HPSE2: variants seen among roughly 807,000 people sequenced by gnomAD.
HPSE2 encodes inactive heparanase-2.
In HPSE2, 38 loss-of-function variants were observed where a neutral mutation model predicts 60.5. The ratio of observed to expected loss-of-function variants is 0.63; its 90% CI spans 0.48 to 0.82. The LOEUF is 0.82. HPSE2 is among the 40% of genes least tolerant of loss of function. HPSE2 has a pLI of 0.00. For missense variants in HPSE2, 713 were observed against 740.4 expected, an observed-to-expected ratio of 0.96 and a Z score of 0.43; for synonymous variants, 295 against 293.2, an observed-to-expected ratio of 1.01 and a Z score of -0.06.
intron 3 of HPSE2, among the ~76,000 whole-genome samples, chr10:99,021,239 A>G (rs886503136): frequency 2.6e-5 from 4 of 152,226 alleles, no homozygotes; most frequent in African/African-American, 7.2e-5. Context: ...AACATTAATA[A>G]TAAGAGTTTA....
chr10:99,041,822 T>C (rs1365107349), intron 3 of HPSE2, among the ~76,000 whole-genome samples: 2 of 152,048 alleles, frequency 1.3e-5, no homozygotes, highest in African/African-American at 4.8e-5. Context: ...GACAGGCCCG[T>C]TGTGATTGCC....
intron 9 of HPSE2, among the ~76,000 whole-genome samples, chr10:98,565,517 T>C (rs1188901400): frequency 1.3e-5 from 2 of 152,214 alleles, no homozygotes; most frequent in African/African-American, 2.4e-5. Flanking sequence ...CATTCTTTTT[T>C]ATGGTTGCAC....
chr10:98,918,675 C>G (rs1263724072), intron 3 of HPSE2, among the ~76,000 whole-genome samples: 23 of 102,810 alleles, frequency 2.2e-4, no homozygotes, highest in African/African-American at 8.1e-4. Context: ...TCTGGGGACT[C>G]TTGTGGGGTG....
In HPSE2 at chr10:99,163,303, TCA is replaced by T. The variant is rs1418682128; in HGVS notation, c.449-18906_449-18905del. Among the ~76,000 whole-genome samples, 6 of 152,230 alleles carry T rather than the reference TCA, an allele frequency of 3.9e-5. No individual in the cohort carries two copies. In the East Asian group the frequency reaches 9.6e-4, roughly 24 times the overall value. On this transcript the variant is annotated intron_variant, in intron 2 of 11. Coordinates refer to ENST00000370552, the MANE Select transcript of HPSE2 (RefSeq NM_021828.5). ...AATGCCCATCCACATCCATGCACCCTCACATTCTATTCTTTGATAACATTTTG... is the reference window on the plus strand; with the variant it reads ...AATGCCCATCCACATCCATGCACCCTCATTCTATTCTTTGATAACATTTTG...
chr10:98,665,715 C>T lies in HPSE2; in HGVS notation c.1005-23775G>A, dbSNP rs902898940. Among the ~76,000 whole-genome samples, 4 of 152,106 alleles carry T rather than the reference C, an allele frequency of 2.6e-5. No individual in the cohort carries two copies. In the East Asian group the frequency reaches 7.7e-4, roughly 29 times the overall value. On this transcript the variant is annotated intron_variant, in intron 6 of 11. Coordinates refer to ENST00000370552, the MANE Select transcript of HPSE2 (RefSeq NM_021828.5). ...TTCATAAGCAAAGGAGGATACAATCCTTCTCAGACAACCAAACAGTAAGGG... is the reference window on the plus strand; with the variant it reads ...TTCATAAGCAAAGGAGGATACAATCTTTCTCAGACAACCAAACAGTAAGGG...
chr10:98,598,860 G>C (rs577221924), intron 9 of HPSE2, among the ~76,000 whole-genome samples: 1 of 152,162 alleles, frequency 6.6e-6, no homozygotes, highest in African/African-American at 2.4e-5. Flanking sequence ...GCGATCATGG[G>C]TACTGGCTGG....
At chr10:99,230,997 T>C (rs953080633) in intron 2 of HPSE2, among the ~76,000 whole-genome samples, 1 of 152,224 alleles carries the variant, frequency 6.6e-6, no homozygotes, top group Non-Finnish European at 1.5e-5. Flanking sequence ...AAAAGTCTAC[T>C]TGCAATCCAT....
intron 3 of HPSE2, among the ~76,000 whole-genome samples, chr10:98,797,704 C>T (rs941950959): frequency 3.3e-5 from 5 of 151,832 alleles, no homozygotes; most frequent in African/African-American, 4.8e-5. Context: ...ATTAGCCGAG[C>T]GTGGTGGTGG....
At chr10:99,003,533 C>A (rs1956823150) in intron 3 of HPSE2, among the ~76,000 whole-genome samples, 1 of 152,146 alleles carries the variant, frequency 6.6e-6, no homozygotes, top group Non-Finnish European at 1.5e-5. Context: ...AATAGCAATT[C>A]TAATAGGTGT....
chr10:99,075,643 T>C (rs1171810573), intron 3 of HPSE2, among the ~76,000 whole-genome samples: 1 of 152,168 alleles, frequency 6.6e-6, no homozygotes, highest in Non-Finnish European at 1.5e-5. Flanking sequence ...CCCACTATTA[T>C]AGGATTGTCA....
chr10:98,775,817 C>G (rs1950328306), intron 3 of HPSE2, among the ~76,000 whole-genome samples: 1 of 152,176 alleles, frequency 6.6e-6, no homozygotes, highest in Non-Finnish European at 1.5e-5. Context: ...GGCATTTCAA[C>G]TGGTGCATGT....
intron 3 of HPSE2, among the ~76,000 whole-genome samples, chr10:99,139,585 ATTAC>A (rs1845790419): frequency 2.6e-5 from 4 of 152,192 alleles, no homozygotes; most frequent in Admixed American, 2.6e-4. Flanking sequence ...TACTATATTT[ATTAC>A]TTATAAAGCA....
intron 9 of HPSE2, among the ~76,000 whole-genome samples, chr10:98,534,347 A>G (rs1014443735): frequency 6.6e-6 from 1 of 152,070 alleles, no homozygotes. Context: ...ATAACCTGAG[A>G]TTTTTTTCAC....
chr10:98,580,099 C>A (rs1435222110), intron 9 of HPSE2, among the ~76,000 whole-genome samples: 1 of 152,174 alleles, frequency 6.6e-6, no homozygotes, highest in Non-Finnish European at 1.5e-5. Flanking sequence ...GTATTGCAGT[C>A]TCCCGCGTTG....
chr10:98,934,553 T>C (rs184248860), intron 3 of HPSE2, among the ~76,000 whole-genome samples: 1 of 144,584 alleles, frequency 6.9e-6, no homozygotes, highest in Non-Finnish European at 1.5e-5. Context: ...TTTGGCCAGA[T>C]ATGAAATTCT....
chr10:99,091,078 A>G (rs1202142210), intron 3 of HPSE2, among the ~76,000 whole-genome samples: 1 of 152,130 alleles, frequency 6.6e-6, no homozygotes, highest in Admixed American at 6.5e-5. Context: ...CAAACAAAAG[A>G]GCCATATCTT....
chr10:98,664,431 A>G (rs755682378), intron 6 of HPSE2, among the ~76,000 whole-genome samples: 1 of 152,084 alleles, frequency 6.6e-6, no homozygotes, highest in Non-Finnish European at 1.5e-5. Flanking sequence ...CAGCCAGGGA[A>G]TCTGCTTGAG....
At chr10:98,780,725 G>A (rs1024197878) in intron 3 of HPSE2, among the ~76,000 whole-genome samples, 3 of 152,078 alleles carry the variant, frequency 2.0e-5, no homozygotes, top group Non-Finnish European at 4.4e-5. Context: ...GAAGTTGTGA[G>A]TAATAATATA....
chr10:98,552,450 G>A (rs1368255056), intron 9 of HPSE2, among the ~76,000 whole-genome samples: 1 of 152,122 alleles, frequency 6.6e-6, no homozygotes, highest in African/African-American at 2.4e-5. Context: ...GGGATATAAG[G>A]GTCTGCATTT....
Sources: gnomAD v4.1 joint callset for allele counts (sites outside exome capture counted in the v4.1 genomes callset) on GRCh38, gnomAD v4.1.1 for gene constraint, MANE v1.5 for transcripts, NCBI Gene and HGNC (gene_info 2026-07-23, HGNC 2026-07-21) for gene names.